MTMR9: variants seen among roughly 807,000 people sequenced by gnomAD.
The protein encoded by MTMR9 is myotubularin-related protein 9.
A neutral mutation model predicts 69.5 loss-of-function variants in MTMR9; 39 were observed. That is an observed-to-expected ratio of 0.56 (90% confidence interval 0.43 to 0.73). The LOEUF is 0.73. Among genes scored for constraint, MTMR9 ranks in the 30% least tolerant of loss-of-function variants. The pLI is 0.00. For synonymous variants in MTMR9, 354 were observed against 240.8 expected (o/e 1.47, Z -4.35); for missense variants, 900 against 671.2 (o/e 1.34, Z -3.77).
At chr8:11,299,131 T>C (rs762048726) in intron 2 of MTMR9, among the ~76,000 whole-genome samples, 10 of 152,092 alleles carry the variant, frequency 6.6e-5, no homozygotes, top group Non-Finnish European at 1.3e-4. Flanking sequence ...AGTTCAAGTC[T>C]GGCCTGGCCA....
At chr8:11,293,953 A>G (rs372483664) in intron 1 of MTMR9, among the ~76,000 whole-genome samples, 2 of 152,200 alleles carry the variant, frequency 1.3e-5, no homozygotes, top group Non-Finnish European at 2.9e-5. Context: ...GCTTTATAGT[A>G]AGCCTTGAAA....
intron 6 of MTMR9, among the ~76,000 whole-genome samples, chr8:11,310,089 T>A (rs558261339): frequency 6.6e-6 from 1 of 152,364 alleles, no homozygotes; most frequent in South Asian, 2.1e-4. Flanking sequence ...GGAAACGTAA[T>A]TTTGTTACAC....
In MTMR9 at chr8:11,314,401, G is replaced by A. The variant is rs1435276; in HGVS notation, c.972-522G>A. 8.6e-3 allele frequency among the ~76,000 whole-genome samples: 1,302 copies of A among 151,966 alleles called. 16 individuals are homozygous for A. The highest frequency in any genetic ancestry group is 0.03 in the African/African-American group (1,250 of 41,456). ...TATGTTTGTTTTTTTTCCTGTTGTC[G>A]TGTTTCTCAAAGTGTGGTCTAGGTC... On this transcript the variant is annotated intron_variant, in intron 6 of 9. Coordinates refer to ENST00000221086, the MANE Select transcript of MTMR9 (RefSeq NM_015458.4).
intron 1 of MTMR9, among the ~76,000 whole-genome samples, chr8:11,287,850 T>C (rs1300742945): frequency 3.4e-5 from 4 of 118,676 alleles, no homozygotes; most frequent in Admixed American, 2.9e-4. Flanking sequence ...TATTTTATTA[T>C]ATATGTTATA....
At position 11,305,029 on chromosome 8, in the gene MTMR9, C is replaced by T. The variant is rs368445205; in HGVS notation, c.591+15C>T. 122 of 1,611,140 alleles carry T rather than the reference C, an allele frequency of 7.6e-5. No homozygotes were observed. The highest frequency in any genetic ancestry group is 9.5e-5 in the Non-Finnish European group (112 of 1,178,078). ...AAAATGGGATGGTAAGTGCACAGCACTACTGCTTGATGTACTGAAAGGCTT... is the reference window on the plus strand; with the variant it reads ...AAAATGGGATGGTAAGTGCACAGCATTACTGCTTGATGTACTGAAAGGCTT... On this transcript the variant is annotated intron_variant, in intron 4 of 9. Transcript: ENST00000221086.
At chr8:11,320,360 G>T (rs1024751281) in intron 9 of MTMR9, 1 of 152,204 alleles carries the variant, frequency 6.6e-6, no homozygotes, top group Non-Finnish European at 1.5e-5. Flanking sequence ...TTCTAAAGTA[G>T]ATTTTTTATA....
rs894841875 is a variant in MTMR9, at chr8:11,324,662, A to G, written c.*1874A>G. 3 of 152,176 alleles carry G rather than the reference A, an allele frequency of 2.0e-5. No homozygotes were observed. The highest frequency in any genetic ancestry group is 4.8e-5 in the African/African-American group (2 of 41,424). The allele number at this position is 152,176 out of a possible 1,614,324, so 9.4% of individuals were successfully genotyped here. A position where few individuals can be genotyped will look rare whatever the true frequency, so the allele number is the denominator to read the frequency against. On this transcript the variant is annotated 3_prime_UTR_variant, in exon 10 of 10. Coordinates refer to ENST00000221086, the MANE Select transcript of MTMR9 (RefSeq NM_015458.4). ...AGGCTTTTCTTCTCAGCTAACAGGCATATAAGGAAAACCATCTAGAGAGTT... is the reference window on the plus strand; with the variant it reads ...AGGCTTTTCTTCTCAGCTAACAGGCGTATAAGGAAAACCATCTAGAGAGTT...
At chr8:11,321,579 T>C (rs370162297) in intron 9 of MTMR9, 1 of 450,098 alleles carries the variant, frequency 2.2e-6, no homozygotes, top group African/African-American at 2.0e-5. Context: ...TCAGTGTGTG[T>C]TTCATGCTCC....
rs140280224 is a variant in MTMR9 at position 11,316,681 on chromosome 8, C to T, written c.1122C>T (p.His374=). Residue 374 remains histidine (H), a synonymous_variant, in exon 8 of 10, where the codon CAC becomes CAT. Transcript: ENST00000221086. The part of the protein sequence containing the change: ...LIEREWLQAG[H]PFQQRCAQSA... ...CTCCATCTTCCCCCTAGGCTGGTCA[C>T]CCATTCCAGCAGCGCTGTGCACAGT... The T allele has an allele frequency of 1.9e-6, 3 of 1,601,048 alleles. No homozygotes were observed. Among genetic ancestry groups the T allele is most frequent in the Admixed American group, 3.5e-5 (2 of 57,794 alleles).
intron 1 of MTMR9, among the ~76,000 whole-genome samples, chr8:11,289,140 C>G (rs1799291364): frequency 6.6e-6 from 1 of 152,154 alleles, no homozygotes; most frequent in Admixed American, 6.5e-5. Flanking sequence ...CCACTGAACT[C>G]CACCCTGGGG....
intron 3 of MTMR9, among the ~76,000 whole-genome samples, chr8:11,304,018 A>G (rs1307350073): frequency 6.6e-6 from 1 of 152,108 alleles, no homozygotes; most frequent in Non-Finnish European, 1.5e-5. Context: ...GCCAACTCAG[A>G]TATACAGAAC....
intron 2 of MTMR9, 48 bp downstream of exon 2, chr8:11,295,350 G>T: frequency 1.9e-6 from 2 of 1,051,514 alleles, no homozygotes; most frequent in South Asian, 2.6e-5. Flanking sequence ...TTTATATTAT[G>T]ACTCAGTGTA....
rs1800989104 is a variant in MTMR9, at chr8:11,327,489, TTA to T, written c.*4703_*4704del. ...ATTTGCTTCACTTTTAAAATGCACGTTATCTTTGGAGAGGTGAATTATTCTAC... is the reference window on the plus strand; with the variant it reads ...ATTTGCTTCACTTTTAAAATGCACGTTCTTTGGAGAGGTGAATTATTCTAC... On this transcript the variant is annotated 3_prime_UTR_variant, in exon 10 of 10. Transcript: ENST00000221086. 1 of 152,474 alleles carries T rather than the reference TTA, an allele frequency of 6.6e-6. No homozygotes were observed. Among genetic ancestry groups the T allele is most frequent in the Non-Finnish European group, 1.5e-5 (1 of 68,048 alleles). The allele number at this position is 152,474 out of a possible 1,614,324, so 9.4% of individuals were successfully genotyped here. A position where few individuals can be genotyped will look rare whatever the true frequency, so the allele number is the denominator to read the frequency against.
chr8:11,288,249 T>C (rs1799255650), intron 1 of MTMR9, among the ~76,000 whole-genome samples: 3 of 136,864 alleles, frequency 2.2e-5, no homozygotes, highest in African/African-American at 8.3e-5. Flanking sequence ...ATAATAATTA[T>C]ATTATAATAA....
In MTMR9 at chr8:11,327,783, A is replaced by G. The variant is rs1324363300; in HGVS notation, c.*4995A>G. ...TTGCTGAAACCTCAAGAGTGCTGTAAGGTACAGGTTTCCATATTGTGAACC... is the reference window on the plus strand; with the variant it reads ...TTGCTGAAACCTCAAGAGTGCTGTAGGGTACAGGTTTCCATATTGTGAACC... On this transcript the variant is annotated 3_prime_UTR_variant, in exon 10 of 10. Transcript: ENST00000221086. 1.3e-5 allele frequency: 2 copies of G among 152,644 alleles called. No homozygotes were observed. The highest frequency in any genetic ancestry group is 4.8e-5 in the African/African-American group (2 of 41,438). 9.5% of individuals were successfully genotyped at this position (152,644 alleles called of 1,614,324 possible).
chr8:11,302,690 A>T (rs1404776999), intron 3 of MTMR9, among the ~76,000 whole-genome samples: 1 of 152,194 alleles, frequency 6.6e-6, no homozygotes, highest in East Asian at 1.9e-4. Context: ...CATTGTGACT[A>T]CTTCTAGTCA....
intron 1 of MTMR9, 126 bp from the exon 2 acceptor site, chr8:11,295,068 T>C: frequency 1.8e-6 from 1 of 547,652 alleles, no homozygotes. Context: ...TCTTCCTTAA[T>C]TAGACTGAGG....
At position 11,301,971 on chromosome 8, in the gene MTMR9, T is replaced by C. The variant is rs77415664; in HGVS notation, c.417+1823T>C. ...CATGGGAGTTTAGGATAAAAGATGA[T>C]AGAGGCTGGTTATGGTGGCTCACAC... is the stretch of plus-strand genomic sequence containing the variant. On this transcript the variant is annotated intron_variant, in intron 3 of 9. Coordinates refer to ENST00000221086, the MANE Select transcript of MTMR9 (RefSeq NM_015458.4). 4.9e-3 allele frequency among the ~76,000 whole-genome samples: 740 copies of C among 152,094 alleles called. 11 individuals carry two copies. The highest frequency in any genetic ancestry group is 0.017 in the African/African-American group (712 of 41,508).
downstream of MTMR9, among the ~76,000 whole-genome samples, chr8:11,330,406 G>C (rs1056554443): frequency 6.6e-6 from 1 of 152,072 alleles, no homozygotes; most frequent in African/African-American, 2.4e-5. Flanking sequence ...CCACCACCCC[G>C]TCTGGGAGGT....
Sources: allele counts gnomAD v4.1 joint callset (sites outside exome capture counted in the v4.1 genomes callset), GRCh38; gene constraint gnomAD v4.1.1; transcripts MANE v1.5; gene names NCBI Gene and HGNC (gene_info 2026-07-23, HGNC 2026-07-21).